MYO1E: variants seen among roughly 807,000 people sequenced by gnomAD.
MYO1E encodes the protein unconventional myosin-Ie.
Under a neutral mutation model 151.1 loss-of-function variants are expected in MYO1E, and 68 were observed. That is an observed-to-expected ratio of 0.45 (90% CI 0.37 to 0.55). The LOEUF is 0.55. Among genes scored for constraint, MYO1E ranks in the 20% least tolerant of loss-of-function variants. The probability of loss-of-function intolerance (pLI) is 0.00; values close to 1 mark genes in which losing one functional copy is unlikely to be tolerated. For synonymous variants in MYO1E, 601 were observed against 501.7 expected (o/e 1.20, Z -2.64); for missense variants, 1,363 against 1,389.3 (o/e 0.98, Z 0.30).
rs769992142 is a variant in MYO1E at position 59,195,562 on chromosome 15, T to G, written c.1704A>C (p.Gln568His). Residue 568 changes from glutamine to histidine, a missense_variant, in exon 17 of 28, where the codon CAA becomes CAC. Gln to His is a conservative substitution (Grantham distance 24, BLOSUM62 0). Transcript: ENST00000288235. ...TCAGGGTGCTCACAAGGTCATTGGC[T>G]TGTTTCTAGAAAGGAAGAACAGTAT... ...PTTAGSKIKK[Q>H]ANDLVSTLMK... 5.0e-6 allele frequency: 8 copies of G among 1,612,974 alleles called. No individual in the cohort carries two copies. The highest frequency in any genetic ancestry group is 5.9e-6 in the Non-Finnish European group (7 of 1,178,890).
At chr15:59,142,579 T>G (rs1178504233) in intron 26 of MYO1E, among the ~76,000 whole-genome samples, 1 of 152,142 alleles carries the variant, frequency 6.6e-6, no homozygotes, top group African/African-American at 2.4e-5. Context: ...CAGCTGTTAT[T>G]AGTTCGCCCC....
chr15:59,305,316 T>C (rs1440250718), intron 1 of MYO1E, among the ~76,000 whole-genome samples: 1 of 152,008 alleles, frequency 6.6e-6, no homozygotes, highest in Non-Finnish European at 1.5e-5. Context: ...ACCTCGGCCT[T>C]CTGAGTAGTT....
intron 1 of MYO1E, among the ~76,000 whole-genome samples, chr15:59,306,530 G>A (rs1479918664): frequency 6.6e-6 from 1 of 152,186 alleles, no homozygotes; most frequent in Non-Finnish European, 1.5e-5. Flanking sequence ...GTGGATGGAG[G>A]AAAATATATG....
intron 1 of MYO1E, among the ~76,000 whole-genome samples, chr15:59,337,919 T>C (rs1194378295): frequency 6.6e-6 from 1 of 152,192 alleles, no homozygotes. Flanking sequence ...ATAAGGCAAA[T>C]CACTTAAACA....
intron 26 of MYO1E, among the ~76,000 whole-genome samples, chr15:59,146,052 C>A (rs1275254660): frequency 1.3e-5 from 2 of 152,120 alleles, no homozygotes; most frequent in African/African-American, 4.8e-5. Flanking sequence ...CAAGGTCTTG[C>A]TATGATGCCC....
Position 59,171,929 on chromosome 15 carries a change from G to T in MYO1E, c.2448C>A (p.Ile816=), listed in dbSNP as rs750771488. 9 of 1,614,158 alleles carry T rather than the reference G, an allele frequency of 5.6e-6. No homozygotes were observed. The Admixed American group carries it at 1.5e-4, about 27-fold the overall frequency. Residue 816 remains isoleucine (I), a synonymous_variant, in exon 22 of 28, where the codon ATC becomes ATA. Transcript: ENST00000288235. ...ACACAGACAAGATCCGTTCTATCTC[G>T]ATTTTCCGCTTCAGGACTTCTTTCA... ...GLVKEVLKRK[I]EIERILSVSL... is the part of the protein sequence containing the mutation.
intron 1 of MYO1E, among the ~76,000 whole-genome samples, chr15:59,280,163 G>A (rs968472779): frequency 1.3e-5 from 2 of 152,144 alleles, no homozygotes; most frequent in Non-Finnish European, 2.9e-5. Context: ...AGAAAGAAGA[G>A]ACACGACAGC....
At position 59,159,788 on chromosome 15, in the gene MYO1E, A is replaced by G. The variant is rs1185156009; in HGVS notation, c.2785+1285T>C. 2.0e-5 allele frequency among the ~76,000 whole-genome samples: 3 copies of G among 152,240 alleles called. No homozygotes were observed. The highest frequency in any genetic ancestry group is 2.9e-5 in the Non-Finnish European group (2 of 68,044). On this transcript the variant is annotated intron_variant, in intron 24 of 27. Coordinates refer to ENST00000288235, the MANE Select transcript of MYO1E (RefSeq NM_004998.4). The surrounding 1 kb of genome is among the most constrained non-coding windows in gnomAD (Gnocchi z 4.4). ...GATGGCATTTGCTGGTATTGTATTA[A>G]TATGTTAGAGAACATGTTAAGGTGT...
At chr15:59,312,638 A>C (rs1208695165) in intron 1 of MYO1E, among the ~76,000 whole-genome samples, 2 of 152,116 alleles carry the variant, frequency 1.3e-5, no homozygotes, top group African/African-American at 4.8e-5. Flanking sequence ...TGCTGGGATT[A>C]GGCGAGAACA....
At position 59,163,066 on chromosome 15, in the gene MYO1E, G is replaced by A. The variant is rs1449588279; in HGVS notation, c.2627+91C>T. 5 of 1,456,960 alleles carry A rather than the reference G, an allele frequency of 3.4e-6. No individual in the cohort carries two copies. The African/African-American group carries it at 5.6e-5, about 16-fold the overall frequency. 90.3% of individuals were successfully genotyped at this position (1,456,960 alleles called of 1,614,324 possible). On this transcript the variant is annotated intron_variant, in intron 23 of 27. Coordinates refer to ENST00000288235, the MANE Select transcript of MYO1E (RefSeq NM_004998.4). ...CCAGACCCCACTCTTCTCCTCGCAG[G>A]CCTCCTCCAGCCCCATCCTGAATCG... is the stretch of plus-strand genomic sequence containing the variant.
intron 3 of MYO1E, among the ~76,000 whole-genome samples, chr15:59,257,129 T>C (rs2080198139): frequency 6.6e-6 from 1 of 152,254 alleles, no homozygotes; most frequent in Non-Finnish European, 1.5e-5. Flanking sequence ...CCCTGCTTTA[T>C]ACAATTTCTT....
intron 7 of MYO1E, among the ~76,000 whole-genome samples, chr15:59,225,541 A>G (rs781166712): frequency 1.3e-5 from 2 of 151,620 alleles, no homozygotes; most frequent in Non-Finnish European, 2.9e-5. Context: ...ATGCCTCCCG[A>G]TCCTACATAT....
chr15:59,311,906 G>A (rs1435397951), intron 1 of MYO1E, among the ~76,000 whole-genome samples: 1 of 152,100 alleles, frequency 6.6e-6, no homozygotes, highest in Non-Finnish European at 1.5e-5. Flanking sequence ...CTTGCCATAT[G>A]TTGCTTTCTG....
chr15:59,217,863 A>T, intron 10 of MYO1E, 28 bp downstream of exon 10: 1 of 1,610,864 alleles, frequency 6.2e-7, no homozygotes, highest in Non-Finnish European at 8.5e-7. Flanking sequence ...GATATGAAGC[A>T]TCACCAGCAT....
At chr15:59,217,283 G>C (rs1388411948) in intron 10 of MYO1E, among the ~76,000 whole-genome samples, 1 of 152,108 alleles carries the variant, frequency 6.6e-6, no homozygotes, top group African/African-American at 2.4e-5. Context: ...AGGTCCAAAA[G>C]TCAAGAAAGG....
chr15:59,176,662 G>C (rs1162608866), intron 19 of MYO1E, among the ~76,000 whole-genome samples: 3 of 152,022 alleles, frequency 2.0e-5, no homozygotes, highest in African/African-American at 7.2e-5. Flanking sequence ...AGGTCTAACT[G>C]ACTTGCCCAG....
intron 1 of MYO1E, among the ~76,000 whole-genome samples, chr15:59,342,221 G>C (rs1190452382): frequency 6.6e-6 from 1 of 152,136 alleles, no homozygotes; most frequent in African/African-American, 2.4e-5. Context: ...TTTAAAATCA[G>C]ATTAGATTTT....
intron 17 of MYO1E, among the ~76,000 whole-genome samples, chr15:59,188,498 C>G (rs1012272909): frequency 6.6e-6 from 1 of 151,986 alleles, no homozygotes; most frequent in Non-Finnish European, 1.5e-5. Context: ...GAGTTCAAGA[C>G]CAGCCTGGCC....
intron 1 of MYO1E, among the ~76,000 whole-genome samples, chr15:59,290,635 C>T (rs542834778): frequency 6.6e-6 from 1 of 152,284 alleles, no homozygotes; most frequent in African/African-American, 2.4e-5. Flanking sequence ...TTTGTGACAA[C>T]GGTGCCTCAG....
Sources: gnomAD v4.1 joint callset for allele counts (sites outside exome capture counted in the v4.1 genomes callset) on GRCh38, gnomAD v4.1.1 for gene constraint, Gnocchi (gnomAD v3.1) non-coding constraint, MANE v1.5 for transcripts, NCBI Gene and HGNC (gene_info 2026-07-23, HGNC 2026-07-21) for gene names.